Variants in MYO16 observed in about 807,000 individuals in gnomAD.
MYO16 encodes unconventional myosin-XVI.
MYO16 carries 94 observed loss-of-function variants against 205.3 expected under a neutral mutation model. That is an observed-to-expected ratio of 0.46 (90% CI 0.39 to 0.54). The LOEUF is 0.54. Among genes scored for constraint, MYO16 ranks in the 20% least tolerant of loss-of-function variants. MYO16 has a pLI of 0.00. For missense variants in MYO16, 2,315 were observed against 2,387.5 expected, an observed-to-expected ratio of 0.97 and a Z score of 0.63; for synonymous variants, 988 against 954.0, an observed-to-expected ratio of 1.04 and a Z score of -0.66.
At chr13:108,535,989 T>C in the MYO16 span, among the ~76,000 whole-genome samples, 1 of 151,988 alleles carries the variant, frequency 6.6e-6, no homozygotes, top group South Asian at 2.1e-4. Context: ...TTTCTGTGTT[T>C]TATGTCTGTG....
chr13:109,035,071 C>G (rs547437386), intron 23 of MYO16, among the ~76,000 whole-genome samples: 1 of 152,124 alleles, frequency 6.6e-6, no homozygotes, highest in East Asian at 1.9e-4. Context: ...TCTATTGTTC[C>G]TTCTACTTTA....
chr13:108,548,572 A>C, the MYO16 span, among the ~76,000 whole-genome samples: 1 of 125,094 alleles, frequency 8.0e-6, no homozygotes, highest in African/African-American at 3.1e-5. Flanking sequence ...TGAGGAGGAT[A>C]ATAATGATGG....
chr13:108,824,159 G>T (rs150563679), intron 9 of MYO16, among the ~76,000 whole-genome samples: 6 of 151,958 alleles, frequency 3.9e-5, no homozygotes, highest in Admixed American at 3.9e-4. Flanking sequence ...GTCAGGTAAA[G>T]AAATTGTGTA....
chr13:108,797,986 A>C (rs1441228437), intron 6 of MYO16, among the ~76,000 whole-genome samples: 1 of 152,198 alleles, frequency 6.6e-6, no homozygotes, highest in Admixed American at 6.5e-5. Context: ...TAAATATTGC[A>C]AATAATTGTT....
intron 8 of MYO16, among the ~76,000 whole-genome samples, chr13:108,822,465 T>C (rs1386087622): frequency 6.6e-6 from 1 of 152,150 alleles, no homozygotes; most frequent in Non-Finnish European, 1.5e-5. Context: ...GAATGTTGAT[T>C]TTTTCCTCAT....
chr13:108,516,232 C>G, the MYO16 span, among the ~76,000 whole-genome samples: 5 of 151,766 alleles, frequency 3.3e-5, no homozygotes, highest in African/African-American at 4.8e-5. Flanking sequence ...GGGAGTGACC[C>G]GATTTTCCAG....
At chr13:108,726,275 G>A (rs938517430) in intron 3 of MYO16, among the ~76,000 whole-genome samples, 12 of 152,058 alleles carry the variant, frequency 7.9e-5, no homozygotes, top group African/African-American at 1.4e-4. Flanking sequence ...AAAGATACTC[G>A]TAAGGCTGGG....
chr13:108,692,699 T>C (rs951727570), intron 2 of MYO16, among the ~76,000 whole-genome samples: 1 of 152,220 alleles, frequency 6.6e-6, no homozygotes, highest in African/African-American at 2.4e-5. Context: ...GAATGCTTAA[T>C]GGGGCATATG....
At chr13:108,549,985 T>C in the MYO16 span, among the ~76,000 whole-genome samples, 2 of 152,262 alleles carry the variant, frequency 1.3e-5, no homozygotes, top group East Asian at 3.8e-4. Flanking sequence ...TCCTCCATGA[T>C]CTGCCATGTG....
At chr13:109,167,042 G>A (rs989388324) in intron 33 of MYO16, 6 of 152,438 alleles carry the variant, frequency 3.9e-5, no homozygotes, top group Admixed American at 1.3e-4. Context: ...GGCCACAGAA[G>A]GTTCACATCC....
At chr13:109,114,738 G>A (rs112388370) in intron 28 of MYO16, among the ~76,000 whole-genome samples, 1 of 152,030 alleles carries the variant, frequency 6.6e-6, no homozygotes, top group African/African-American at 2.4e-5. Flanking sequence ...TTTAATTGAC[G>A]TGTCCTTCTT....
intron 31 of MYO16, among the ~76,000 whole-genome samples, chr13:109,131,654 CA>C (rs1876547692): frequency 1.3e-5 from 2 of 152,100 alleles, no homozygotes. Context: ...TAGGTCAGTG[CA>C]AAAGGAATTG....
intron 4 of MYO16, among the ~76,000 whole-genome samples, chr13:108,777,228 A>C (rs1302726422): frequency 6.6e-6 from 1 of 152,130 alleles, no homozygotes; most frequent in Non-Finnish European, 1.5e-5. Flanking sequence ...TGCAATACTC[A>C]CTTTCTAATA....
Position 109,117,596 on chromosome 13 carries a change from G to A in MYO16, c.3439-2774G>A, listed in dbSNP as rs149146614. The stretch of plus-strand genomic sequence containing the variant: ...AATAGGATAAATAATCATTTATAGG[G>A]TGCTCTGGGAACACAAATAGAAGGT... On this transcript the variant is annotated intron_variant, in intron 28 of 34. Coordinates refer to ENST00000457511, the MANE Select transcript of MYO16 (RefSeq NM_001198950.3). Among the ~76,000 whole-genome samples, 250 of 151,248 alleles carry A rather than the reference G, an allele frequency of 1.7e-3. 3 individuals carry two copies. Among genetic ancestry groups the A allele is most frequent in the East Asian group, 0.016 (85 of 5,158 alleles).
At chr13:108,984,151 G>T (rs1379583266) in intron 20 of MYO16, among the ~76,000 whole-genome samples, 1 of 152,176 alleles carries the variant, frequency 6.6e-6, no homozygotes, top group Non-Finnish European at 1.5e-5. Context: ...AATGACCTCT[G>T]AATTGGCCTT....
intron 1 of MYO16, among the ~76,000 whole-genome samples, chr13:108,609,219 C>T (rs1159442656): frequency 1.3e-5 from 2 of 152,122 alleles, no homozygotes; most frequent in Non-Finnish European, 2.9e-5. Context: ...CCTTGATCTG[C>T]CCAGCCCTTC....
intron 21 of MYO16, among the ~76,000 whole-genome samples, chr13:109,003,508 A>G (rs1247901456): frequency 6.6e-6 from 1 of 152,192 alleles, no homozygotes; most frequent in Admixed American, 6.5e-5. Context: ...GGGTTGCTCT[A>G]TCCAGAGACA....
At position 109,100,866 on chromosome 13, in the gene MYO16, G is replaced by A. The variant is rs773797472; in HGVS notation, c.3417G>A (p.Gln1139=). The A allele has an allele frequency of 1.2e-6, 2 of 1,612,938 alleles. No individual in the cohort carries two copies. The highest frequency in any genetic ancestry group is 1.7e-6 in the Non-Finnish European group (2 of 1,179,102). ...AGCGATGTCGACTTGTTCTCCAGCA[G>A]TGTAAATTACAAGGCTGGCAGGTTG... ...AAERCRLVLQ[Q]CKLQGWQMGV... Residue 1139 remains glutamine, a synonymous_variant, in exon 28 of 35, where the codon CAG becomes CAA. Coordinates refer to ENST00000457511, the MANE Select transcript of MYO16 (RefSeq NM_001198950.3).
intron 17 of MYO16, among the ~76,000 whole-genome samples, chr13:108,960,266 C>A (rs1883531031): frequency 7.6e-6 from 1 of 132,388 alleles, no homozygotes; most frequent in African/African-American, 2.8e-5. Flanking sequence ...CAGAGTGAAA[C>A]CCTGTCTCAA....
Sources: gnomAD v4.1 joint callset for allele counts (sites outside exome capture counted in the v4.1 genomes callset) on GRCh38, gnomAD v4.1.1 for gene constraint, MANE v1.5 for transcripts, NCBI Gene and HGNC (gene_info 2026-07-23, HGNC 2026-07-21) for gene names.